Variants in SPIDR observed in about 807,000 individuals in gnomAD.
SPIDR encodes the protein scaffold protein involved in DNA repair.
In SPIDR, 93 loss-of-function variants were observed where a neutral mutation model predicts 104.6. The observed-to-expected ratio is 0.89, with a 90% CI of 0.75 to 1.06. The LOEUF is 1.06. Among genes scored for constraint, SPIDR ranks in the 50% least tolerant of loss-of-function variants. The pLI is 0.00. For missense variants in SPIDR, 1,154 were observed against 1,111.2 expected (o/e 1.04, Z -0.55); for synonymous variants, 431 against 416.9 (o/e 1.03, Z -0.41).
chr8:47,586,997 C>T (rs1163777900), intron 8 of SPIDR, among the ~76,000 whole-genome samples: 4 of 152,068 alleles, frequency 2.6e-5, no homozygotes, highest in Middle Eastern at 3.2e-3. Flanking sequence ...CTCGAACTCC[C>T]GATCTCAGTT....
At chr8:47,658,326 G>T (rs1399090288) in intron 10 of SPIDR, among the ~76,000 whole-genome samples, 1 of 151,202 alleles carries the variant, frequency 6.6e-6, no homozygotes, top group Admixed American at 6.6e-5. Flanking sequence ...GCTGAGGTAG[G>T]AGAATCGCTT....
intron 8 of SPIDR, among the ~76,000 whole-genome samples, chr8:47,509,338 G>A (rs748091784): frequency 1.3e-5 from 2 of 152,176 alleles, no homozygotes; most frequent in Non-Finnish European, 2.9e-5. Context: ...TGGGAGTGTA[G>A]TTACGAGGTG....
At chr8:47,628,828 T>G (rs1184451093) in intron 10 of SPIDR, among the ~76,000 whole-genome samples, 1 of 152,334 alleles carries the variant, frequency 6.6e-6, no homozygotes, top group East Asian at 1.9e-4. Flanking sequence ...TTGTTGGTTT[T>G]TTGGTGTGGC....
At chr8:47,614,878 T>C (rs1482721086) in intron 10 of SPIDR, among the ~76,000 whole-genome samples, 1 of 152,208 alleles carries the variant, frequency 6.6e-6, no homozygotes, top group African/African-American at 2.4e-5. Context: ...CTTGACTTTT[T>C]AATAATCACC....
intron 10 of SPIDR, among the ~76,000 whole-genome samples, chr8:47,643,286 T>C (rs1588731644): frequency 6.6e-6 from 1 of 152,246 alleles, no homozygotes; most frequent in Non-Finnish European, 1.5e-5. Context: ...CTTTACCTTC[T>C]AGTCTGCATT....
intron 5 of SPIDR, among the ~76,000 whole-genome samples, chr8:47,375,100 G>A (rs1385403025): frequency 6.6e-6 from 1 of 151,946 alleles, no homozygotes; most frequent in Non-Finnish European, 1.5e-5. Context: ...AACAGACAAG[G>A]CCAGAGAGAT....
At chr8:47,305,606 C>A (rs1331308285) in intron 5 of SPIDR, among the ~76,000 whole-genome samples, 2 of 152,156 alleles carry the variant, frequency 1.3e-5, no homozygotes, top group Admixed American at 6.5e-5. Flanking sequence ...ATCTGACAAA[C>A]CTTTAAAAAC....
chr8:47,396,753 T>A, intron 6 of SPIDR, 127 bp downstream of exon 6: 1 of 1,015,052 alleles, frequency 9.9e-7, no homozygotes, highest in Non-Finnish European at 1.4e-6. Context: ...ATTAATGGAA[T>A]GTTCATCGAA....
At chr8:47,423,222 G>A (rs1554682349) in intron 7 of SPIDR, among the ~76,000 whole-genome samples, 1 of 151,630 alleles carries the variant, frequency 6.6e-6, no homozygotes, top group African/African-American at 2.4e-5. Flanking sequence ...CGCTTGAACT[G>A]GGAGGTGGAA....
At chr8:47,496,068 T>TTAACA (rs1365641868) in intron 8 of SPIDR, among the ~76,000 whole-genome samples, 9 of 152,230 alleles carry the variant, frequency 5.9e-5, no homozygotes, top group Non-Finnish European at 1.3e-4. Flanking sequence ...ATAAACTTGT[T>TTAACA]AAACTCATTT....
intron 11 of SPIDR, among the ~76,000 whole-genome samples, chr8:47,688,888 A>G (rs971749062): frequency 6.6e-6 from 1 of 152,134 alleles, no homozygotes; most frequent in African/African-American, 2.4e-5. Flanking sequence ...ATTTTTTTCA[A>G]ACTGGTAGAT....
chr8:47,533,093 A>G (rs2086289271), intron 8 of SPIDR, among the ~76,000 whole-genome samples: 1 of 152,372 alleles, frequency 6.6e-6, no homozygotes, highest in East Asian at 1.9e-4. Context: ...TTTCAGTGAA[A>G]GCAGTGTAAA....
chr8:47,286,408 G>T (rs1239388282), intron 3 of SPIDR, among the ~76,000 whole-genome samples: 1 of 152,108 alleles, frequency 6.6e-6, no homozygotes, highest in African/African-American at 2.4e-5. Flanking sequence ...AAAACAGCAT[G>T]GCCAAAATTA....
At chr8:47,401,170 G>T (rs1485824560) in intron 6 of SPIDR, among the ~76,000 whole-genome samples, 3 of 152,104 alleles carry the variant, frequency 2.0e-5, no homozygotes, top group African/African-American at 7.2e-5. Context: ...GAATAGAGTG[G>T]GGGGCCAATA....
At chr8:47,580,494 T>G (rs1295521572) in intron 8 of SPIDR, among the ~76,000 whole-genome samples, 2 of 152,174 alleles carry the variant, frequency 1.3e-5, no homozygotes, top group Non-Finnish European at 2.9e-5. Flanking sequence ...ACAAAGACAT[T>G]AAATTTGTCC....
At chr8:47,522,537 T>C (rs2084329237) in intron 8 of SPIDR, among the ~76,000 whole-genome samples, 1 of 152,168 alleles carries the variant, frequency 6.6e-6, no homozygotes, top group Admixed American at 6.5e-5. Context: ...ATGTCCCGGT[T>C]ACCAGCATGA....
chr8:47,527,902 C>T (rs916696626), intron 8 of SPIDR: 3 of 152,148 alleles, frequency 2.0e-5, no homozygotes. Context: ...AGTGGTATAT[C>T]TTTTTTTAAA....
At chr8:47,612,171 T>C (rs1369780502) in intron 10 of SPIDR, among the ~76,000 whole-genome samples, 1 of 152,246 alleles carries the variant, frequency 6.6e-6, no homozygotes, top group African/African-American at 2.4e-5. Context: ...ATCTTCTTGA[T>C]GCCTCCCAAT....
At chr8:47,496,290 C>T (rs1385312798) in intron 8 of SPIDR, among the ~76,000 whole-genome samples, 1 of 152,074 alleles carries the variant, frequency 6.6e-6, no homozygotes, top group Non-Finnish European at 1.5e-5. Flanking sequence ...GGAAAGTGTT[C>T]AGGGAAAGCA....
Sources: allele counts gnomAD v4.1 joint callset (sites outside exome capture counted in the v4.1 genomes callset), GRCh38; gene constraint gnomAD v4.1.1; transcripts MANE v1.5; gene names NCBI Gene and HGNC (gene_info 2026-07-23, HGNC 2026-07-21).